FAT1: variants seen among roughly 807,000 people sequenced by gnomAD.
FAT1 encodes FAT atypical cadherin 1.
FAT1 carries 171 observed loss-of-function variants against 329.8 expected under a neutral mutation model. That is an observed-to-expected ratio of 0.52 (90% CI 0.46 to 0.59). The LOEUF (loss-of-function observed/expected upper bound fraction) is 0.59. Ranked by LOEUF, FAT1 falls within the 20% of genes least tolerant of loss-of-function variation. FAT1 has a pLI of 0.00. For synonymous variants in FAT1, 2,233 were observed against 2,228.6 expected, an observed-to-expected ratio of 1.00 and a Z score of -0.06; for missense variants, 5,672 against 5,774.4, an observed-to-expected ratio of 0.98 and a Z score of 0.57.
chr4:186,611,300 G>T, intron 14 of FAT1, 86 bp downstream of exon 14: 2 of 1,228,228 alleles, frequency 1.6e-6, no homozygotes, highest in South Asian at 1.5e-5. Context: ...ACAACACAGG[G>T]TCACTTAATA....
chr4:186,684,322 T>A (rs1877730), intron 2 of FAT1, among the ~76,000 whole-genome samples: 195 of 152,078 alleles, frequency 1.3e-3, no homozygotes, highest in Non-Finnish European at 2.3e-3. Flanking sequence ...AAGGTCTCAC[T>A]GCACAGTTAT....
chr4:186,723,107 C>T (rs1745534081), intron 1 of FAT1, among the ~76,000 whole-genome samples: 1 of 152,216 alleles, frequency 6.6e-6, no homozygotes, highest in Non-Finnish European at 1.5e-5. Flanking sequence ...CTTAGAAGTT[C>T]CTCCTCCAGA....
rs115898023 is a variant in FAT1, at chr4:186,620,292, A to G, written c.6294T>C (p.His2098=). ...AVVKVDTEVG[H]VIRYVTAVDR... is the part of the protein sequence containing the mutation. ...CTACAGCAGTGACATAGCGAATGAC[A>G]TGGCCCACCTCAGTGTCCACTTTAA... The change falls in exon 10 of 27, where the codon CAT becomes CAC. Residue 2098 remains histidine, a synonymous_variant. Transcript: ENST00000441802. 245 of 1,613,982 alleles carry G rather than the reference A, an allele frequency of 1.5e-4. 1 individual carries two copies. The African/African-American group carries it at 2.8e-3, about 18-fold the overall frequency.
rs114547328 is a variant in FAT1 at position 186,717,202 on chromosome 4, G to A, written c.-19+6462C>T. 4.0e-3 allele frequency among the ~76,000 whole-genome samples: 606 copies of A among 151,800 alleles called. 6 individuals carry two copies. The highest frequency in any genetic ancestry group is 0.014 in the African/African-American group (570 of 41,404). On this transcript the variant is annotated intron_variant, in intron 1 of 26. Transcript: ENST00000441802. ...CTAGTTCAATTATCATAGCCATGTC[G>A]GTACTTTTAAAAGCTTTCATCCTTA...
intron 4 of FAT1, 70 bp downstream of exon 4, chr4:186,639,652 C>G (rs1741003042): frequency 9.6e-7 from 1 of 1,042,876 alleles, no homozygotes; most frequent in Non-Finnish European, 1.5e-6. Context: ...TTAATGGGAA[C>G]AAGATTGTTC....
intron 2 of FAT1, among the ~76,000 whole-genome samples, chr4:186,682,304 A>G (rs998699122): frequency 1.3e-4 from 20 of 152,146 alleles, no homozygotes; most frequent in Non-Finnish European, 2.4e-4. Flanking sequence ...AGGCGGGTGG[A>G]TCACCTGAGG....
chr4:186,695,419 G>C (rs1743977078), intron 2 of FAT1, among the ~76,000 whole-genome samples: 1 of 152,180 alleles, frequency 6.6e-6, no homozygotes, highest in Admixed American at 6.5e-5. Flanking sequence ...AAACTGCTTT[G>C]TTGTTCTTAT....
intron 2 of FAT1, among the ~76,000 whole-genome samples, chr4:186,694,009 T>C (rs146045340): frequency 0.013 from 2,005 of 151,696 alleles, 48 homozygotes; most frequent in African/African-American, 0.046. Flanking sequence ...TCTCATCTAC[T>C]AATCCAACCA....
At position 186,716,900 on chromosome 4, in the gene FAT1, C is replaced by T. The variant is rs138463271; in HGVS notation, c.-19+6764G>A. Among the ~76,000 whole-genome samples the T allele has an allele frequency of 4.1e-4, 63 of 152,224 alleles. 1 individual carries two copies. The East Asian group carries it at 0.01, about 25-fold the overall frequency. On this transcript the variant is annotated intron_variant, in intron 1 of 26. Transcript: ENST00000441802. ...CTGGGTTCAAGCGATTCTCATGCCTCAGCCTCCTGAGTAGCTAGGAATACA... is the reference window on the plus strand; with the variant it reads ...CTGGGTTCAAGCGATTCTCATGCCTTAGCCTCCTGAGTAGCTAGGAATACA...
chr4:186,708,834 A>T lies in FAT1; in HGVS notation c.994T>A (p.Tyr332Asn), dbSNP rs2126699426. 2 of 1,613,988 alleles carry T rather than the reference A, an allele frequency of 1.2e-6. No individual in the cohort carries two copies. Among genetic ancestry groups the T allele is most frequent in the Non-Finnish European group, 1.7e-6 (2 of 1,179,892 alleles). Reference protein sequence around the residue: ...GIDWDSHPFGYNLTLQAKDKG... With the variant: ...GIDWDSHPFGNNLTLQAKDKG... ...TCTTTAGCCTGTAGTGTGAGATTGT[A>T]GCCGAAAGGATGACTGTCCCAATCA... The change falls in exon 2 of 27, where the codon TAC becomes AAC. Residue 332 changes from tyrosine to asparagine, a missense_variant. This residue lies in a region of FAT1 where 3,966 missense variants were observed against 3,915.2 expected (regional missense o/e 1.01). Transcript: ENST00000441802.
At chr4:186,701,899 C>T (rs1218598936) in intron 2 of FAT1, among the ~76,000 whole-genome samples, 2 of 152,252 alleles carry the variant, frequency 1.3e-5, no homozygotes, top group South Asian at 2.1e-4. Context: ...AATTCCGTTC[C>T]GTTCCCACTG....
In FAT1 at chr4:186,679,082, A is replaced by G. The variant is rs567370801; in HGVS notation, c.3266-15469T>C. Among the ~76,000 whole-genome samples the G allele has an allele frequency of 2.2e-4, 33 of 152,100 alleles. No individual in the cohort carries two copies. In the East Asian group the frequency reaches 6.2e-3, roughly 29 times the overall value. ...GAACAGTAAAAGTACCTTTTGTTTAAAAAAATATTTAGGCTGGGCTGGGCA... is the reference window on the plus strand; with the variant it reads ...GAACAGTAAAAGTACCTTTTGTTTAGAAAAATATTTAGGCTGGGCTGGGCA... On this transcript the variant is annotated intron_variant, in intron 2 of 26. Coordinates refer to ENST00000441802, the MANE Select transcript of FAT1 (RefSeq NM_005245.4).
chr4:186,664,731 T>A (rs1405035801), intron 2 of FAT1, among the ~76,000 whole-genome samples: 1 of 152,176 alleles, frequency 6.6e-6, no homozygotes, highest in Admixed American at 6.5e-5. Context: ...CAAAAACATA[T>A]CACTGCACTT....
chr4:186,708,030 G>C lies in FAT1; in HGVS notation c.1798C>G (p.Gln600Glu), dbSNP rs1196917798. 3 of 1,613,940 alleles carry C rather than the reference G, an allele frequency of 1.9e-6. No individual in the cohort carries two copies. The highest frequency in any genetic ancestry group is 3.3e-5 in the Admixed American group (2 of 60,022). The change falls in exon 2 of 27, where the codon CAG (glutamine) becomes GAG (glutamate). Residue 600 changes from glutamine to glutamate, a missense_variant. By Grantham distance (29) the Gln-to-Glu change is conservative (BLOSUM62 2). Coordinates refer to ENST00000441802, the MANE Select transcript of FAT1 (RefSeq NM_005245.4). ...TVSAIDADEL[Q>E]LVQYQIEAGN... ...GCTTCAATCTGATACTGTACCAACT[G>C]AAGTTCATCTGCATCAATAGCAGAA...
rs186394834 is a variant in FAT1, at chr4:186,686,943, A to G, written c.3265+19620T>C. Among the ~76,000 whole-genome samples, 6 of 152,364 alleles carry G rather than the reference A, an allele frequency of 3.9e-5. No homozygotes were observed. The East Asian group carries it at 1.2e-3, about 29-fold the overall frequency. ...GACAAGCCTGATAGCAGCGAAAACG[A>G]AAAATTCAACTACTTCTGATTTTAC... On this transcript the variant is annotated intron_variant, in intron 2 of 26. Transcript: ENST00000441802.
rs1019805725 is a variant in FAT1 at position 186,626,025 on chromosome 4, T to C, written c.4810+2129A>G. On this transcript the variant is annotated intron_variant, in intron 9 of 26. Coordinates refer to ENST00000441802, the MANE Select transcript of FAT1 (RefSeq NM_005245.4). ...TTCATCAGCCTACAGAATGAATGAA[T>C]GAATGAATGAGGGACCAACATGGCA... Among the ~76,000 whole-genome samples, 28 of 143,912 alleles carry C rather than the reference T, an allele frequency of 1.9e-4. No individual in the cohort carries two copies. The East Asian group carries it at 5.6e-3, about 29-fold the overall frequency. 94.4% of individuals were successfully genotyped at this position (143,912 alleles called of 152,430 possible). A position where few individuals can be genotyped will look rare whatever the true frequency, so the allele number is the denominator to read the frequency against.
intron 2 of FAT1, among the ~76,000 whole-genome samples, chr4:186,677,590 G>A (rs1437407524): frequency 3.3e-5 from 5 of 151,716 alleles, no homozygotes; most frequent in African/African-American, 4.8e-5. Context: ...GTATGTATCA[G>A]GATTCTAAAA....
intron 16 of FAT1, among the ~76,000 whole-genome samples, 170 bp from the exon 17 acceptor site, chr4:186,606,383 T>A (rs1739138096): frequency 6.6e-6 from 1 of 152,036 alleles, no homozygotes. Context: ...TGCATGCAAG[T>A]AATACACATT....
rs766068478 is a variant in FAT1, at chr4:186,706,550, A to G, written c.3265+13T>C. The G allele has an allele frequency of 6.4e-7, 1 of 1,569,808 alleles. No individual in the cohort carries two copies. Among genetic ancestry groups the G allele is most frequent in the Non-Finnish European group, 8.6e-7 (1 of 1,158,992 alleles). ...AAAAGGGCATCAAATGAGAGCAATA[A>G]AAACATATTTACCTGTCTCTTCACC... is the stretch of plus-strand genomic sequence containing the variant. On this transcript the variant is annotated intron_variant, in intron 2 of 26. Transcript: ENST00000441802.
Sources: allele counts gnomAD v4.1 joint callset (sites outside exome capture counted in the v4.1 genomes callset), GRCh38; gene constraint gnomAD v4.1.1; regional missense constraint gnomAD v4.1.1; transcripts MANE v1.5; gene names NCBI Gene and HGNC (gene_info 2026-07-23, HGNC 2026-07-21).